The following PAK3 variants were observed in gnomAD, a reference collection of about 807,000 sequenced individuals.
PAK3 encodes the protein serine/threonine-protein kinase PAK 3.
In PAK3, 4 loss-of-function variants were observed where a neutral mutation model predicts 41.0. The observed-to-expected ratio is 0.10, with a 90% CI of 0.05 to 0.22. PAK3 has a LOEUF of 0.22. Among genes scored for constraint, PAK3 ranks in the 10% least tolerant of loss-of-function variants. The pLI is 1.00. For missense variants in PAK3, 205 were observed against 409.9 expected (o/e 0.50, Z 4.32); for synonymous variants, 146 against 139.6 (o/e 1.05, Z -0.32).
chrX:111,162,748 G>T (rs1303415109), intron 8 of PAK3, among the ~76,000 whole-genome samples, 167 bp from the exon 9 acceptor site: 1 of 111,423 alleles, frequency 9.0e-6, no homozygotes, highest in African/African-American at 3.3e-5. Context: ...ATTGTATTCA[G>T]GTGAGCAAGT....
chrX:111,216,219 G>A (rs755670422), intron 16 of PAK3, among the ~76,000 whole-genome samples: 3 of 111,607 alleles, frequency 2.7e-5, no homozygotes, highest in African/African-American at 6.5e-5. Flanking sequence ...GAGGTAGGAC[G>A]ACACTTCACT....
At chrX:110,957,856 G>A (rs1031721370) in intron 1 of PAK3, among the ~76,000 whole-genome samples, 6 of 111,549 alleles carry the variant, frequency 5.4e-5, no homozygotes, top group South Asian at 7.6e-4. Flanking sequence ...CTAGACATTC[G>A]GAATATTATT....
In PAK3 at chrX:111,040,009, A is replaced by G. The variant is rs190381935; in HGVS notation, c.-27-83068A>G. 9.7e-3 allele frequency among the ~76,000 whole-genome samples: 1,055 copies of G among 109,230 alleles called. 18 individuals carry two copies. Among genetic ancestry groups the G allele is most frequent in the African/African-American group, 0.033 (997 of 30,017 alleles). 94.9% of individuals were successfully genotyped at this position (109,230 alleles called of 115,157 possible). ...GTAGATGGAGCAAAAAAAAAAAAAA[A>G]AAAAGAAGAATCAAAAAGAAAGAAA... On this transcript the variant is annotated intron_variant, in intron 1 of 14. Coordinates refer to the PAK3 transcript ENST00000425146.
chrX:110,956,411 C>A (rs1196426764), intron 1 of PAK3, among the ~76,000 whole-genome samples: 1 of 111,582 alleles, frequency 9.0e-6, no homozygotes, highest in Non-Finnish European at 1.9e-5. Context: ...TTTTCTATAT[C>A]TGGACCACCT....
At chrX:110,955,729 CTT>C (rs1460152208) in intron 1 of PAK3, among the ~76,000 whole-genome samples, 3 of 112,269 alleles carry the variant, frequency 2.7e-5, no homozygotes, top group African/African-American at 9.7e-5. Flanking sequence ...AGATAAGTCA[CTT>C]TGCCTCTTTA....
At chrX:110,966,717 TA>T (rs774776869) in intron 1 of PAK3, among the ~76,000 whole-genome samples, 9 of 105,270 alleles carry the variant, frequency 8.5e-5, no homozygotes, top group South Asian at 4.1e-4. Flanking sequence ...TGTACAAATA[TA>T]AAAAAAAAAG....
intron 17 of PAK3, among the ~76,000 whole-genome samples, chrX:111,218,354 A>G (rs2094899381): frequency 8.9e-6 from 1 of 112,539 alleles, no homozygotes; most frequent in African/African-American, 3.2e-5. Flanking sequence ...CTTCTTAGGT[A>G]CATGAAAATA....
chrX:111,071,837 T>C (rs1201676832), intron 1 of PAK3, among the ~76,000 whole-genome samples: 1 of 112,018 alleles, frequency 8.9e-6, no homozygotes, highest in Non-Finnish European at 1.9e-5. Context: ...TTTCTCTGAA[T>C]TTTCCCATTA....
intron 4 of PAK3, among the ~76,000 whole-genome samples, chrX:111,118,628 G>A (rs766500947): frequency 9.0e-6 from 1 of 111,027 alleles, no homozygotes; most frequent in Non-Finnish European, 1.9e-5. Context: ...TGGTTTTGGA[G>A]ATTTTCTTCT....
intron 1 of PAK3, among the ~76,000 whole-genome samples, chrX:111,096,909 C>CACACACACAA (rs1319991693): frequency 1.2e-4 from 13 of 109,121 alleles, no homozygotes; most frequent in Admixed American, 7.7e-4. Context: ...CACACACACA[C>CACACACACAA]ACGAGGAAAG....
chrX:111,134,064 T>C lies in PAK3; in HGVS notation c.176-8032T>C, dbSNP rs1171607765. On this transcript the variant is annotated intron_variant, in intron 5 of 17. Coordinates refer to ENST00000372007, the MANE Select transcript of PAK3 (RefSeq NM_002578.5). ...AGGAATTTTAGGGGAAGATAACAAA[T>C]GGAACTCCTACAACAAGGAAGACTC... Among the ~76,000 whole-genome samples, 4 of 111,895 alleles carry C rather than the reference T, an allele frequency of 3.6e-5. No homozygotes were observed. In the East Asian group the frequency reaches 1.1e-3, roughly 32 times the overall value.
At chrX:111,031,291 T>A (rs1190455053) in intron 1 of PAK3, among the ~76,000 whole-genome samples, 1 of 110,604 alleles carries the variant, frequency 9.0e-6, no homozygotes, top group African/African-American at 3.3e-5. Flanking sequence ...CTAGAGAGGG[T>A]CAGAGAAGGC....
chrX:111,163,099 G>A (rs1257673484), intron 9 of PAK3, 53 bp downstream of exon 9: 13 of 1,092,620 alleles, frequency 1.2e-5, no homozygotes, highest in Non-Finnish European at 1.6e-5. Flanking sequence ...CTTTGGAATA[G>A]TCATAGAGTT....
chrX:110,954,477 A>C (rs944039061), intron 1 of PAK3, among the ~76,000 whole-genome samples: 10 of 112,003 alleles, frequency 8.9e-5, no homozygotes, highest in African/African-American at 3.3e-4. Context: ...AGCAAAGTGA[A>C]TCTCTGTCTG....
chrX:111,185,716 T>C (rs1338419374), intron 11 of PAK3, among the ~76,000 whole-genome samples: 3 of 111,345 alleles, frequency 2.7e-5, no homozygotes, highest in East Asian at 5.7e-4. Flanking sequence ...TTCTATTCCA[T>C]TGGTCTATGT....
At chrX:111,061,860 G>A (rs984509207) in intron 1 of PAK3, among the ~76,000 whole-genome samples, 3 of 110,514 alleles carry the variant, frequency 2.7e-5, no homozygotes, top group African/African-American at 9.9e-5. Context: ...TGTTGCCCAG[G>A]CTAGAATACT....
chrX:111,134,389 T>A (rs1055312946), intron 5 of PAK3, among the ~76,000 whole-genome samples: 5 of 112,495 alleles, frequency 4.4e-5, no homozygotes, highest in Non-Finnish European at 9.4e-5. Flanking sequence ...TCTTCTCCTC[T>A]TCTATGAACA....
rs147303521 is a variant in PAK3 at position 111,005,387 on chromosome X, T to C, written c.-28+60759T>C. On this transcript the variant is annotated intron_variant, in intron 1 of 14. Coordinates refer to the PAK3 transcript ENST00000425146. The stretch of plus-strand genomic sequence containing the variant: ...TGCTAAGGGATGGAAACAGAACAGA[T>C]ACATTGAAGCCGGTAGACTGACCAG... Among the ~76,000 whole-genome samples the C allele has an allele frequency of 9.7e-3, 1,083 of 111,543 alleles. 9 individuals carry two copies. The highest frequency in any genetic ancestry group is 0.017 in the East Asian group (59 of 3,507).
chrX:111,001,605 T>C (rs1453800544), intron 1 of PAK3, among the ~76,000 whole-genome samples: 1 of 112,402 alleles, frequency 8.9e-6, no homozygotes, highest in African/African-American at 3.2e-5. Flanking sequence ...ATTTGGCTTA[T>C]GTTTATTATC....
Sources: gnomAD v4.1 joint callset for allele counts (sites outside exome capture counted in the v4.1 genomes callset) on GRCh38, gnomAD v4.1.1 for gene constraint, MANE v1.5 for transcripts, NCBI Gene and HGNC (gene_info 2026-07-23, HGNC 2026-07-21) for gene names.